Variants in CXADR observed in about 807,000 individuals in gnomAD.
CXADR encodes CXADR cell adhesion molecule, also known as coxsackievirus and adenovirus receptor.
CXADR carries 20 observed loss-of-function variants against 40.3 expected under a neutral mutation model. The ratio of observed to expected loss-of-function variants is 0.50; its 90% CI spans 0.35 to 0.72. CXADR has a LOEUF of 0.72. Among genes scored for constraint, CXADR ranks in the 30% least tolerant of loss-of-function variants. The probability of loss-of-function intolerance (pLI) is 0.01; values close to 1 mark genes in which losing one functional copy is unlikely to be tolerated. For synonymous variants in CXADR, 150 were observed against 161.3 expected (o/e 0.93, Z 0.53); for missense variants, 332 against 449.1 (o/e 0.74, Z 2.36).
In CXADR at chr21:17,567,738, A is replaced by G. The variant is rs2123339446; in HGVS notation, c.*2046A>G. On this transcript the variant is annotated 3_prime_UTR_variant, in exon 7 of 7. Transcript: ENST00000284878. ...ATAAAATATTATAAAAAATAAGTAA[A>G]TAAACAGAACATTAATAATAAAGTT... The G allele has an allele frequency of 1.2e-6, 1 of 842,792 alleles. No individual in the cohort carries two copies. Among genetic ancestry groups the G allele is most frequent in the South Asian group, 5.4e-5 (1 of 18,354 alleles). 52.2% of individuals were successfully genotyped at this position (842,792 alleles called of 1,614,324 possible). A position where few individuals can be genotyped will look rare whatever the true frequency, so the allele number is the denominator to read the frequency against.
chr21:17,600,929 C>T, the CXADR span, among the ~76,000 whole-genome samples: 4 of 152,044 alleles, frequency 2.6e-5, no homozygotes, highest in East Asian at 5.8e-4. Flanking sequence ...TTTGGGAGGC[C>T]AAGGCGGGTG....
chr21:17,576,495 A>G (rs1157544552), intron 7 of CXADR, among the ~76,000 whole-genome samples: 2 of 152,178 alleles, frequency 1.3e-5, no homozygotes, highest in African/African-American at 4.8e-5. Flanking sequence ...GTTAGCTTTT[A>G]GCATCGTTAT....
At chr21:17,626,035 T>C in the CXADR span, among the ~76,000 whole-genome samples, 1 of 152,228 alleles carries the variant, frequency 6.6e-6, no homozygotes, top group African/African-American at 2.4e-5. Context: ...ACATTTAGCC[T>C]TCCCTTCCCC....
intron 1 of CXADR, among the ~76,000 whole-genome samples, chr21:17,525,203 G>A (rs1171480382): frequency 1.3e-5 from 2 of 152,218 alleles, no homozygotes; most frequent in African/African-American, 2.4e-5. Flanking sequence ...CTTTGGAAAC[G>A]TTAAAATCAT....
At chr21:17,554,703 T>G (rs1275675992) in intron 3 of CXADR, among the ~76,000 whole-genome samples, 1 of 152,170 alleles carries the variant, frequency 6.6e-6, no homozygotes, top group Non-Finnish European at 1.5e-5. Context: ...ATTAATTGGA[T>G]TGAAGCTTAT....
At chr21:17,520,129 T>A (rs1238252304) in intron 1 of CXADR, among the ~76,000 whole-genome samples, 1 of 152,034 alleles carries the variant, frequency 6.6e-6, no homozygotes, top group African/African-American at 2.4e-5. Context: ...CACTCTTCAC[T>A]CTCCAAGTAC....
chr21:17,552,138 G>A (rs1478854893), intron 3 of CXADR, among the ~76,000 whole-genome samples, 185 bp downstream of exon 3: 1 of 152,212 alleles, frequency 6.6e-6, no homozygotes, highest in East Asian at 1.9e-4. Flanking sequence ...GATAGGAAAA[G>A]TAAGAAGTGA....
At chr21:17,584,330 TTTTA>T (rs2061380138) in intron 7 of CXADR, among the ~76,000 whole-genome samples, 1 of 152,200 alleles carries the variant, frequency 6.6e-6, no homozygotes, top group Non-Finnish European at 1.5e-5. Flanking sequence ...AGCTTTGGCT[TTTTA>T]TTTATTTTGG....
At chr21:17,546,947 G>A in intron 1 of CXADR, 80 bp from the exon 2 acceptor site, 2 of 1,535,368 alleles carry the variant, frequency 1.3e-6, no homozygotes, top group South Asian at 1.2e-5. Context: ...TCAATGTGCT[G>A]CTTCTGAATG....
chr21:17,543,944 CT>C (rs998603290), intron 1 of CXADR, among the ~76,000 whole-genome samples: 2 of 152,094 alleles, frequency 1.3e-5, no homozygotes, highest in Non-Finnish European at 2.9e-5. Flanking sequence ...AGGAGGATTA[CT>C]TGAGCCTCAG....
intron 1 of CXADR, 86 bp downstream of exon 1, chr21:17,513,258 G>A (rs2060414284): frequency 2.4e-6 from 3 of 1,248,206 alleles, no homozygotes; most frequent in Non-Finnish European, 3.1e-6. Flanking sequence ...TGGGGCGTGG[G>A]GGAGGGGGCG....
chr21:17,629,563 C>CAAACAAAACA, the CXADR span, among the ~76,000 whole-genome samples: 1 of 151,962 alleles, frequency 6.6e-6, no homozygotes, highest in Non-Finnish European at 1.5e-5. Context: ...GACCCTGTCT[C>CAAACAAAACA]AAACAAAACA....
chr21:17,575,285 G>A (rs1341150399), intron 7 of CXADR, among the ~76,000 whole-genome samples: 1 of 151,998 alleles, frequency 6.6e-6, no homozygotes, highest in African/African-American at 2.4e-5. Flanking sequence ...TCTTTGCTCA[G>A]CAATACTCCT....
At chr21:17,524,994 T>G (rs1156389573) in intron 1 of CXADR, among the ~76,000 whole-genome samples, 1 of 152,120 alleles carries the variant, frequency 6.6e-6, no homozygotes, top group East Asian at 1.9e-4. Context: ...GTTGGTGGGG[T>G]GTTTGCAGAA....
Position 17,518,650 on chromosome 21 carries a change from A to G in CXADR, c.43+5478A>G, listed in dbSNP as rs142283186. The G allele has an allele frequency of 2.1e-5, 33 of 1,607,320 alleles. No homozygotes were observed. The African/African-American group carries it at 3.5e-4, about 17-fold the overall frequency. On this transcript the variant is annotated intron_variant, in intron 1 of 6. Transcript: ENST00000284878. ...GACTTGCCGTGGGAACTGTTCAGCT[A>G]ACTTCCTAAGGCTTGTTAAACTGTC...
chr21:17,567,893 G>C lies in CXADR; in HGVS notation c.*2201G>C, dbSNP rs1000494157. 9.3e-6 allele frequency: 9 copies of C among 969,312 alleles called. No individual in the cohort carries two copies. The highest frequency in any genetic ancestry group is 1.1e-5 in the Non-Finnish European group (9 of 816,678). The allele number at this position is 969,312 out of a possible 1,614,324, so 60.0% of individuals were successfully genotyped here. A position where few individuals can be genotyped will look rare whatever the true frequency, so the allele number is the denominator to read the frequency against. On this transcript the variant is annotated 3_prime_UTR_variant, in exon 7 of 7. Coordinates refer to ENST00000284878, the MANE Select transcript of CXADR (RefSeq NM_001338.5). ...TTTTTTAATAACATATGAGGAACAA[G>C]ACTTCTCTTCCCATATACTTCATAT... is the stretch of plus-strand genomic sequence containing the variant.
intron 1 of CXADR, among the ~76,000 whole-genome samples, chr21:17,531,383 T>C (rs1291398591): frequency 2.6e-5 from 4 of 152,210 alleles, no homozygotes; most frequent in Admixed American, 6.5e-5. Context: ...TCATTTTGAC[T>C]ATTCTGGTGG....
intron 3 of CXADR, among the ~76,000 whole-genome samples, chr21:17,553,434 G>A (rs2060994718): frequency 6.6e-6 from 1 of 152,078 alleles, no homozygotes; most frequent in Non-Finnish European, 1.5e-5. Flanking sequence ...ATTCTGAATC[G>A]CACTAACTAA....
At chr21:17,545,012 A>G (rs1462892279) in intron 1 of CXADR, among the ~76,000 whole-genome samples, 1 of 151,442 alleles carries the variant, frequency 6.6e-6, no homozygotes, top group Non-Finnish European at 1.5e-5. Flanking sequence ...AACAACATCA[A>G]GATAGTCATG....
Sources: allele counts gnomAD v4.1 joint callset (sites outside exome capture counted in the v4.1 genomes callset), GRCh38; gene constraint gnomAD v4.1.1; transcripts MANE v1.5; gene names NCBI Gene and HGNC (gene_info 2026-07-23, HGNC 2026-07-21).